GRM7: variants seen among roughly 807,000 people sequenced by gnomAD.
GRM7 encodes the protein metabotropic glutamate receptor 7.
In GRM7, 35 loss-of-function variants were observed where a neutral mutation model predicts 84.5. The ratio of observed to expected loss-of-function variants is 0.41; its 90% CI spans 0.32 to 0.55. The LOEUF (loss-of-function observed/expected upper bound fraction) is 0.55. Among genes scored for constraint, GRM7 ranks in the 20% least tolerant of loss-of-function variants. The pLI is 0.19. For synonymous variants in GRM7, 487 were observed against 455.1 expected (o/e 1.07, Z -0.89); for missense variants, 1,003 against 1,194.6 (o/e 0.84, Z 2.36).
chr3:7,067,604 T>G (rs1299593637), intron 1 of GRM7, among the ~76,000 whole-genome samples: 1 of 151,956 alleles, frequency 6.6e-6, no homozygotes, highest in Admixed American at 6.6e-5. Flanking sequence ...ATACTCTGGT[T>G]GTTGGCAGGC....
intron 9 of GRM7, chr3:7,693,799 C>T (rs550844032): frequency 1.1e-5 from 7 of 649,074 alleles, no homozygotes; most frequent in South Asian, 2.0e-5. Context: ...TGAGTTTAGT[C>T]GGGGGTAGTT....
chr3:6,967,734 T>G (rs1261749550), intron 1 of GRM7, among the ~76,000 whole-genome samples: 1 of 152,154 alleles, frequency 6.6e-6, no homozygotes, highest in Non-Finnish European at 1.5e-5. Context: ...CCATGTGAAA[T>G]GCTGAACCTC....
intron 1 of GRM7, among the ~76,000 whole-genome samples, chr3:7,054,917 C>A (rs1697157485): frequency 6.6e-6 from 1 of 151,960 alleles, no homozygotes; most frequent in Admixed American, 6.6e-5. Context: ...GTTCTAGAAT[C>A]TCTCCAGGCA....
At chr3:7,615,548 T>C (rs1697041752) in intron 8 of GRM7, among the ~76,000 whole-genome samples, 2 of 152,134 alleles carry the variant, frequency 1.3e-5, no homozygotes, top group Non-Finnish European at 2.9e-5. Context: ...TAATTTGAGG[T>C]AGTGGATAAT....
chr3:7,441,861 T>A (rs1320253694), intron 5 of GRM7, among the ~76,000 whole-genome samples: 2 of 152,188 alleles, frequency 1.3e-5, no homozygotes, highest in Admixed American at 6.6e-5. Context: ...GTCAGTACCA[T>A]GCTGTTTTGT....
chr3:7,405,332 G>A (rs1223579300), intron 4 of GRM7, among the ~76,000 whole-genome samples: 1 of 152,082 alleles, frequency 6.6e-6, no homozygotes, highest in Non-Finnish European at 1.5e-5. Context: ...TATTATGATT[G>A]ATTATTATTT....
chr3:7,371,167 A>C (rs1477555914), intron 4 of GRM7, among the ~76,000 whole-genome samples: 1 of 152,160 alleles, frequency 6.6e-6, no homozygotes, highest in Non-Finnish European at 1.5e-5. Context: ...CATTTTAAAA[A>C]AACATAGATT....
chr3:7,511,219 T>C lies in GRM7; in HGVS notation c.1515+49497T>C, dbSNP rs1211932362. ...AGTTTACATGCCTGGCCCTCGACTA[T>C]AGGGGTTGTGGGGAAGGAACCTTGA... On this transcript the variant is annotated intron_variant, in intron 7 of 9. Coordinates refer to ENST00000357716, the MANE Select transcript of GRM7 (RefSeq NM_000844.4). Among the ~76,000 whole-genome samples the C allele has an allele frequency of 2.0e-5, 3 of 152,294 alleles. No homozygotes were observed. The East Asian group carries it at 5.8e-4, about 29-fold the overall frequency.
chr3:7,604,705 C>G (rs936828339), intron 8 of GRM7, among the ~76,000 whole-genome samples: 2 of 152,094 alleles, frequency 1.3e-5, no homozygotes, highest in Non-Finnish European at 2.9e-5. Context: ...CCAATATTTC[C>G]TATTACGTTC....
At chr3:7,724,574 C>T (rs162798) in intron 9 of GRM7, among the ~76,000 whole-genome samples, 45,546 of 152,082 alleles carry the variant, frequency 0.3, 7,904 homozygotes, top group African/African-American at 0.48. Flanking sequence ...AAGGACAACA[C>T]TGTCAGTTTC....
intron 8 of GRM7, among the ~76,000 whole-genome samples, chr3:7,623,569 A>G (rs1697463648): frequency 6.6e-6 from 1 of 152,160 alleles, no homozygotes; most frequent in Non-Finnish European, 1.5e-5. Context: ...TTTGACACTG[A>G]GACCAGTGAG....
intron 4 of GRM7, among the ~76,000 whole-genome samples, chr3:7,344,009 CA>C (rs1178992059): frequency 6.6e-6 from 1 of 152,030 alleles, no homozygotes; most frequent in Non-Finnish European, 1.5e-5. Context: ...CTCAAATCAG[CA>C]AAAACTTCTT....
In GRM7 at chr3:7,349,648, C is replaced by A. The variant is rs537020216; in HGVS notation, c.1033+42996C>A. ...CTGGGGAACTTTAGATAGTACCGGG[C>A]TGGCCAAATCATTCTGGAACGAGGT... On this transcript the variant is annotated intron_variant, in intron 4 of 9. Coordinates refer to ENST00000357716, the MANE Select transcript of GRM7 (RefSeq NM_000844.4). 5.3e-5 allele frequency among the ~76,000 whole-genome samples: 8 copies of A among 152,224 alleles called. No homozygotes were observed. The East Asian group carries it at 1.4e-3, about 26-fold the overall frequency.
At chr3:7,481,168 T>TC (rs1699113252) in intron 7 of GRM7, among the ~76,000 whole-genome samples, 1 of 151,938 alleles carries the variant, frequency 6.6e-6, no homozygotes, top group Admixed American at 6.6e-5. Context: ...AGCATCAATC[T>TC]CCCAGGCTGA....
At chr3:6,908,737 A>G (rs905763295) in intron 1 of GRM7, among the ~76,000 whole-genome samples, 2 of 152,128 alleles carry the variant, frequency 1.3e-5, no homozygotes, top group African/African-American at 4.8e-5. Flanking sequence ...TGTTGACTCT[A>G]TCCCATAAAA....
At chr3:7,484,008 TA>T (rs1699230568) in intron 7 of GRM7, among the ~76,000 whole-genome samples, 1 of 151,986 alleles carries the variant, frequency 6.6e-6, no homozygotes. Flanking sequence ...ATGCTTCTGT[TA>T]AAAAAAATTT....
At chr3:7,398,621 GTGTGTATATA>G (rs1695316144) in intron 4 of GRM7, among the ~76,000 whole-genome samples, 2 of 151,934 alleles carry the variant, frequency 1.3e-5, no homozygotes, top group Admixed American at 1.3e-4. Context: ...TGGGTTTTTT[GTGTGTATATA>G]TATGTATATA....
At chr3:7,511,085 A>G (rs1227131549) in intron 7 of GRM7, among the ~76,000 whole-genome samples, 2 of 152,160 alleles carry the variant, frequency 1.3e-5, no homozygotes, top group Non-Finnish European at 2.9e-5. Context: ...GGAAGAGACA[A>G]TTAATTACTT....
chr3:6,921,238 G>A (rs924445830), intron 1 of GRM7, among the ~76,000 whole-genome samples: 2 of 152,184 alleles, frequency 1.3e-5, no homozygotes, highest in African/African-American at 4.8e-5. Flanking sequence ...AAGTTTGCAG[G>A]CAGAATCCGA....
Sources: allele counts gnomAD v4.1 joint callset (sites outside exome capture counted in the v4.1 genomes callset), GRCh38; gene constraint gnomAD v4.1.1; transcripts MANE v1.5; gene names NCBI Gene and HGNC (gene_info 2026-07-23, HGNC 2026-07-21).